The following LRBA variants were observed in gnomAD, a reference collection of about 807,000 sequenced individuals.
LRBA encodes lipopolysaccharide-responsive and beige-like anchor protein.
Under a neutral mutation model 330.0 loss-of-function variants are expected in LRBA, and 176 were observed. The observed-to-expected ratio is 0.53, with a 90% CI of 0.47 to 0.60. The LOEUF (loss-of-function observed/expected upper bound fraction) is 0.60. Ranked by LOEUF, LRBA falls within the 20% of genes least tolerant of loss-of-function variation. The pLI, the probability that LRBA is intolerant of heterozygous loss-of-function variation, is 0.00. For missense variants in LRBA, 3,259 were observed against 3,444.8 expected (o/e 0.95, Z 1.35); for synonymous variants, 1,230 against 1,193.0 (o/e 1.03, Z -0.64).
intron 34 of LRBA, among the ~76,000 whole-genome samples, chr4:150,769,219 A>C (rs1736207083): frequency 6.6e-6 from 1 of 152,118 alleles, no homozygotes; most frequent in African/African-American, 2.4e-5. Flanking sequence ...TGCTGGGATT[A>C]CAGGAGTGAG....
At chr4:150,480,684 A>G (rs1757198659) in intron 42 of LRBA, among the ~76,000 whole-genome samples, 1 of 152,160 alleles carries the variant, frequency 6.6e-6, no homozygotes, top group African/African-American at 2.4e-5. Context: ...TTGGAATATA[A>G]TTAATTTTTT....
Position 150,773,191 on chromosome 4 carries a change from A to G in LRBA, c.5581-11344T>C, listed in dbSNP as rs930554457. On this transcript the variant is annotated intron_variant, in intron 34 of 56. Transcript: ENST00000651943. ...AAGTGGAACCAGCATAATGTCATCAATGTAATGGACGACTGTGATTTCTCT... is the reference window on the plus strand; with the variant it reads ...AAGTGGAACCAGCATAATGTCATCAGTGTAATGGACGACTGTGATTTCTCT... Among the ~76,000 whole-genome samples, 13 of 152,216 alleles carry G rather than the reference A, an allele frequency of 8.5e-5. 1 individual carries two copies. Among genetic ancestry groups the G allele is most frequent in the African/African-American group, 2.2e-4 (9 of 41,456 alleles).
chr4:150,645,009 C>CT (rs1778997053), intron 37 of LRBA, among the ~76,000 whole-genome samples: 1 of 151,338 alleles, frequency 6.6e-6, no homozygotes. Context: ...ACTTCATTCA[C>CT]TTTTTTTTCA....
At chr4:150,985,851 A>T (rs1377690627) in intron 2 of LRBA, among the ~76,000 whole-genome samples, 1 of 152,194 alleles carries the variant, frequency 6.6e-6, no homozygotes, top group East Asian at 1.9e-4. Flanking sequence ...AGGAGGAAAA[A>T]ATAAAATACC....
Position 150,578,506 on chromosome 4 carries a change from GTTTA to G in LRBA, c.6330+9538_6330+9541del, listed in dbSNP as rs1038778869. Among the ~76,000 whole-genome samples, 7 of 152,062 alleles carry G rather than the reference GTTTA, an allele frequency of 4.6e-5. No homozygotes were observed. In the South Asian group the frequency reaches 1.2e-3, roughly 27 times the overall value. ...TAGGAAATTCCATTAATAATTAAAAGTTTATTTAACCATGATAAGTAAAAATAGG... is the reference window on the plus strand; with the variant it reads ...TAGGAAATTCCATTAATAATTAAAAGTTTAACCATGATAAGTAAAAATAGG... On this transcript the variant is annotated intron_variant, in intron 40 of 56. Coordinates refer to ENST00000651943, the MANE Select transcript of LRBA (RefSeq NM_001364905.1).
chr4:150,347,549 G>C (rs1012097536), intron 48 of LRBA, among the ~76,000 whole-genome samples: 43 of 152,096 alleles, frequency 2.8e-4, no homozygotes, highest in African/African-American at 1.0e-3. Context: ...AGGAGGCTGA[G>C]GCAGGAGAAT....
At chr4:150,463,596 T>A (rs1755052271) in intron 44 of LRBA, among the ~76,000 whole-genome samples, 1 of 151,988 alleles carries the variant, frequency 6.6e-6, no homozygotes, top group African/African-American at 2.4e-5. Context: ...CTATTGATCA[T>A]CTACTGGGGC....
chr4:150,320,955 T>C (rs1388477359), intron 50 of LRBA, among the ~76,000 whole-genome samples: 1 of 152,050 alleles, frequency 6.6e-6, no homozygotes, highest in Non-Finnish European at 1.5e-5. Flanking sequence ...TTAGAAACAA[T>C]ATTTATCTCC....
At chr4:150,834,483 T>A (rs964020600) in intron 28 of LRBA, among the ~76,000 whole-genome samples, 1 of 152,188 alleles carries the variant, frequency 6.6e-6, no homozygotes, top group Non-Finnish European at 1.5e-5. Flanking sequence ...GGTGACCAGG[T>A]TGATTATCAA....
intron 37 of LRBA, among the ~76,000 whole-genome samples, chr4:150,672,745 A>G (rs1782175593): frequency 6.6e-6 from 1 of 152,124 alleles, no homozygotes; most frequent in African/African-American, 2.4e-5. Context: ...CTACACTCAA[A>G]GCAACAATCT....
At chr4:150,292,687 A>T (rs1728467222) in intron 53 of LRBA, among the ~76,000 whole-genome samples, 1 of 152,208 alleles carries the variant, frequency 6.6e-6, no homozygotes, top group African/African-American at 2.4e-5. Flanking sequence ...GTGAGGTACT[A>T]TGGAAATAAG....
chr4:150,943,485 T>C (rs1311060920), intron 2 of LRBA, among the ~76,000 whole-genome samples: 1 of 152,188 alleles, frequency 6.6e-6, no homozygotes, highest in East Asian at 1.9e-4. Flanking sequence ...AAGCTTATTA[T>C]TGTAAGCTTC....
intron 48 of LRBA, among the ~76,000 whole-genome samples, chr4:150,343,706 G>A (rs1735890841): frequency 6.6e-6 from 1 of 151,712 alleles, no homozygotes; most frequent in African/African-American, 2.4e-5. Context: ...CTATCTTTCT[G>A]TCTCTCTCTC....
chr4:150,297,144 CATATTT>C lies in LRBA; in HGVS notation c.8017+5475_8017+5480del, dbSNP rs56229710. Among the ~76,000 whole-genome samples, 82,995 of 151,136 alleles carry C rather than the reference CATATTT, an allele frequency of 0.55. 23,720 individuals carry two copies. The highest frequency in any genetic ancestry group is 0.65 in the Non-Finnish European group (43,720 of 67,526). ...TATAAATCATCAATTCTTCTGTTCTCATATTTATATGGCTATAACCTATGGGCTGAA... is the reference window on the plus strand; with the variant it reads ...TATAAATCATCAATTCTTCTGTTCTCATATGGCTATAACCTATGGGCTGAA... On this transcript the variant is annotated intron_variant, in intron 53 of 56. Coordinates refer to ENST00000651943, the MANE Select transcript of LRBA (RefSeq NM_001364905.1).
chr4:150,608,123 G>A (rs10000491), intron 37 of LRBA, among the ~76,000 whole-genome samples: 133,185 of 152,160 alleles, frequency 0.88, 59,200 homozygotes, highest in Non-Finnish European at 0.95. Flanking sequence ...AGGTGGGAGC[G>A]TCACCTGAGC....
chr4:150,420,338 GTATA>G (rs1309642275), intron 46 of LRBA, among the ~76,000 whole-genome samples: 2 of 143,400 alleles, frequency 1.4e-5, no homozygotes, highest in Non-Finnish European at 3.0e-5. Flanking sequence ...ATAGTATAAA[GTATA>G]TATAATACAC....
chr4:150,325,532 C>T (rs1733128202), intron 49 of LRBA, among the ~76,000 whole-genome samples: 4 of 152,106 alleles, frequency 2.6e-5, no homozygotes, highest in Admixed American at 2.6e-4. Flanking sequence ...AGTCCTTTAT[C>T]CTACAGTGAG....
chr4:150,551,372 C>T (rs536827788), intron 40 of LRBA, among the ~76,000 whole-genome samples: 19 of 152,008 alleles, frequency 1.2e-4, no homozygotes, highest in South Asian at 2.1e-4. Context: ...ACATATTCAA[C>T]GACAGCTACA....
intron 48 of LRBA, among the ~76,000 whole-genome samples, chr4:150,332,828 A>G (rs72953839): frequency 0.022 from 3,358 of 152,276 alleles, 104 homozygotes; most frequent in African/African-American, 0.071. Flanking sequence ...AAGACATTGC[A>G]GTAAAACCAC....
Sources: allele counts gnomAD v4.1 joint callset (sites outside exome capture counted in the v4.1 genomes callset), GRCh38; gene constraint gnomAD v4.1.1; transcripts MANE v1.5; gene names NCBI Gene and HGNC (gene_info 2026-07-23, HGNC 2026-07-21).